The following PARP4 variants were observed in gnomAD, a reference collection of about 807,000 sequenced individuals.
The protein encoded by PARP4 is protein mono-ADP-ribosyltransferase PARP4.
PARP4 carries 120 observed loss-of-function variants against 187.7 expected under a neutral mutation model. The observed-to-expected ratio is 0.64, with a 90% CI of 0.55 to 0.74. The LOEUF is 0.74. PARP4 is among the 30% of genes least tolerant of loss of function. The probability of loss-of-function intolerance (pLI) is 0.00; values close to 1 mark genes in which losing one functional copy is unlikely to be tolerated. For synonymous variants in PARP4, 654 were observed against 740.9 expected, an observed-to-expected ratio of 0.88 and a Z score of 1.90; for missense variants, 1,836 against 2,070.5, an observed-to-expected ratio of 0.89 and a Z score of 2.20.
intron 4 of PARP4, 59 bp downstream of exon 4, chr13:24,500,257 G>GTTTACACAAGATT (rs1869198093): frequency 1.0e-6 from 1 of 958,712 alleles, no homozygotes; most frequent in Admixed American, 2.4e-5. Flanking sequence ...TGTGCTTGAG[G>GTTTACACAAGATT]TTTACACAAG....
chr13:24,494,143 T>C (rs952656579), intron 7 of PARP4, among the ~76,000 whole-genome samples: 3 of 152,188 alleles, frequency 2.0e-5, no homozygotes, highest in African/African-American at 7.2e-5. Flanking sequence ...TCAACTTCCA[T>C]GCCTTTCTAT....
chr13:24,434,303 A>G, intron 31 of PARP4, 92 bp downstream of exon 31: 1 of 1,225,116 alleles, frequency 8.2e-7, no homozygotes, highest in South Asian at 1.5e-5. Context: ...CAGACTGATG[A>G]TAGACGGTTC....
At chr13:24,471,082 G>A (rs893821135) in intron 15 of PARP4, among the ~76,000 whole-genome samples, 1 of 152,174 alleles carries the variant, frequency 6.6e-6, no homozygotes, top group Non-Finnish European at 1.5e-5. Context: ...AGTGTGCCTG[G>A]TGAGGAGGCA....
chr13:24,475,049 C>G (rs1046234076), intron 15 of PARP4, among the ~76,000 whole-genome samples: 17 of 152,308 alleles, frequency 1.1e-4, no homozygotes, highest in African/African-American at 4.1e-4. Context: ...GTTTAGCCCC[C>G]ACTTCCTTCA....
At chr13:24,449,628 C>G in intron 25 of PARP4, 90 bp downstream of exon 25, 1 of 762,096 alleles carries the variant, frequency 1.3e-6, no homozygotes, top group South Asian at 1.7e-5. Flanking sequence ...CCCTCTCATT[C>G]AAGGAAACAC....
chr13:24,492,692 A>G (rs1868725906), intron 8 of PARP4, 98 bp from the exon 9 acceptor site: 1 of 977,352 alleles, frequency 1.0e-6, no homozygotes, highest in South Asian at 1.9e-5. Flanking sequence ...ACATGTCAAG[A>G]CTATCCATTT....
intron 1 of PARP4, among the ~76,000 whole-genome samples, chr13:24,508,820 T>A (rs1464614117): frequency 1.4e-5 from 2 of 147,822 alleles, no homozygotes; most frequent in African/African-American, 5.4e-5. Context: ...AGCCACAGAC[T>A]GTATTTTTTA....
intron 33 of PARP4, among the ~76,000 whole-genome samples, chr13:24,422,492 G>T (rs1869794529): frequency 1.3e-5 from 2 of 152,156 alleles, no homozygotes; most frequent in Admixed American, 1.3e-4. Flanking sequence ...CATTCCGCTA[G>T]CAAGAAAATC....
chr13:24,426,380 G>A, intron 33 of PARP4, 86 bp downstream of exon 33: 1 of 1,084,380 alleles, frequency 9.2e-7, no homozygotes, highest in Non-Finnish European at 1.4e-6. Context: ...ACACATGTAA[G>A]ATAATTCCCT....
At chr13:24,509,073 G>T (rs1294088082) in intron 1 of PARP4, among the ~76,000 whole-genome samples, 1 of 151,930 alleles carries the variant, frequency 6.6e-6, no homozygotes, top group African/African-American at 2.4e-5. Context: ...TACTCAACTA[G>T]AACTACTGAA....
chr13:24,449,349 C>T (rs1157131969), intron 25 of PARP4, among the ~76,000 whole-genome samples: 5 of 143,748 alleles, frequency 3.5e-5, no homozygotes, highest in South Asian at 2.2e-4. Flanking sequence ...GATGGCGCCA[C>T]TGCACTCCAG....
At chr13:24,426,247 GA>G (rs1870043730) in intron 33 of PARP4, among the ~76,000 whole-genome samples, 1 of 152,012 alleles carries the variant, frequency 6.6e-6, no homozygotes, top group African/African-American at 2.4e-5. Flanking sequence ...GAGCTGCACT[GA>G]AACTCTTTGA....
chr13:24,441,171 C>G lies in PARP4; in HGVS notation c.3666+675G>C, dbSNP rs148091907. On this transcript the variant is annotated intron_variant, in intron 30 of 33. Coordinates refer to ENST00000381989, the MANE Select transcript of PARP4 (RefSeq NM_006437.4). ...ACAAGTATGAGCCACTGTGCCCGCC[C>G]TAAAAGACTTTTTGTAGAGATGAGG... 5.2e-3 allele frequency among the ~76,000 whole-genome samples: 794 copies of G among 152,150 alleles called. 7 individuals carry two copies. Among genetic ancestry groups the G allele is most frequent in the African/African-American group, 0.018 (759 of 41,498 alleles).
chr13:24,497,625 T>A (rs377194998), intron 6 of PARP4, among the ~76,000 whole-genome samples: 2 of 152,182 alleles, frequency 1.3e-5, no homozygotes, highest in Admixed American at 6.5e-5. Flanking sequence ...GCAAAATTAT[T>A]TACCAGGTGT....
intron 32 of PARP4, among the ~76,000 whole-genome samples, chr13:24,427,185 A>G (rs1448502302): frequency 1.3e-5 from 2 of 152,118 alleles, no homozygotes; most frequent in Non-Finnish European, 2.9e-5. Context: ...GAGTAAACCT[A>G]AATATTCAAC....
chr13:24,437,203 C>T (rs1870677865), intron 30 of PARP4, among the ~76,000 whole-genome samples: 1 of 151,960 alleles, frequency 6.6e-6, no homozygotes, highest in Non-Finnish European at 1.5e-5. Context: ...TTATCCTATG[C>T]TAGGATAAAT....
At position 24,466,337 on chromosome 13, in the gene PARP4, A is replaced by G. The variant is rs149259709; in HGVS notation, c.2133+2687T>C. ...GCTGGGACTACAGGCATGCATCACC[A>G]CACCCAGCTAATTTTTGTATTTTTT... On this transcript the variant is annotated intron_variant, in intron 17 of 33. Coordinates refer to ENST00000381989, the MANE Select transcript of PARP4 (RefSeq NM_006437.4). Among the ~76,000 whole-genome samples, 1,400 of 152,186 alleles carry G rather than the reference A, an allele frequency of 9.2e-3. 6 individuals carry two copies. The highest frequency in any genetic ancestry group is 0.014 in the Non-Finnish European group (964 of 68,010).
At chr13:24,433,583 T>C (rs1870454719) in intron 31 of PARP4, among the ~76,000 whole-genome samples, 1 of 152,196 alleles carries the variant, frequency 6.6e-6, no homozygotes, top group African/African-American at 2.4e-5. Flanking sequence ...CTCTTGACCA[T>C]CTGCAGTATG....
rs148852999 is a variant in PARP4, at chr13:24,475,375, T to C, written c.1914+97A>G. On this transcript the variant is annotated intron_variant, in intron 15 of 33. Coordinates refer to ENST00000381989, the MANE Select transcript of PARP4 (RefSeq NM_006437.4). ...TCTTGAATAAAATACATTTTAGAAA[T>C]CTATCTATTCCCTTCAGTTCATGCA... 1,282 of 1,139,548 alleles carry C rather than the reference T, an allele frequency of 1.1e-3. 10 individuals carry two copies. The African/African-American group carries it at 0.018, about 16-fold the overall frequency. The allele number at this position is 1,139,548 out of a possible 1,614,324, so 70.6% of individuals were successfully genotyped here.
Sources: allele counts gnomAD v4.1 joint callset (sites outside exome capture counted in the v4.1 genomes callset), GRCh38; gene constraint gnomAD v4.1.1; transcripts MANE v1.5; gene names NCBI Gene and HGNC (gene_info 2026-07-23, HGNC 2026-07-21).